DNAH12: variants seen among roughly 807,000 people sequenced by gnomAD.
DNAH12 encodes dynein axonemal heavy chain 12.
In DNAH12, 285 loss-of-function variants were observed where a neutral mutation model predicts 371.5. The ratio of observed to expected loss-of-function variants is 0.77; its 90% CI spans 0.70 to 0.85. The LOEUF (loss-of-function observed/expected upper bound fraction) is 0.85. Ranked by LOEUF, DNAH12 falls within the 40% of genes least tolerant of loss-of-function variation. The pLI, the probability that DNAH12 is intolerant of heterozygous loss-of-function variation, is 0.00. For missense variants in DNAH12, 3,611 were observed against 3,689.4 expected (o/e 0.98, Z 0.55); for synonymous variants, 1,200 against 1,213.0 (o/e 0.99, Z 0.22).
chr3:57,453,068 TA>T, intron 24 of DNAH12, 53 bp from the exon 25 acceptor site: 1 of 1,494,704 alleles, frequency 6.7e-7, no homozygotes, highest in South Asian at 1.3e-5. Flanking sequence ...GAAATAATTT[TA>T]AAAAGAAGTA....
chr3:57,302,558 TA>T (rs1559535416), intron 69 of DNAH12, among the ~76,000 whole-genome samples: 2 of 101,228 alleles, frequency 2.0e-5, no homozygotes, highest in African/African-American at 4.0e-5. Context: ...TATATATATA[TA>T]TATATGTATT....
intron 2 of DNAH12, among the ~76,000 whole-genome samples, chr3:57,526,124 C>CTA (rs1234894416): frequency 2.0e-5 from 3 of 152,118 alleles, no homozygotes. Flanking sequence ...TCCCCACTAC[C>CTA]ATTCACAGCC....
intron 60 of DNAH12, among the ~76,000 whole-genome samples, chr3:57,345,496 C>T (rs1575483304): frequency 1.3e-5 from 2 of 152,148 alleles, no homozygotes; most frequent in East Asian, 3.8e-4. Context: ...ATGAAGAGAT[C>T]ACTTTTTACT....
intron 28 of DNAH12, 126 bp from the exon 29 acceptor site, chr3:57,444,942 C>T: frequency 9.8e-7 from 1 of 1,017,482 alleles, no homozygotes; most frequent in South Asian, 1.7e-5. Context: ...GTTTATTTTA[C>T]ATTGCTCTCT....
chr3:57,443,849 T>C (rs1186448983), intron 29 of DNAH12, among the ~76,000 whole-genome samples: 1 of 152,154 alleles, frequency 6.6e-6, no homozygotes, highest in Non-Finnish European at 1.5e-5. Context: ...TATTACACAA[T>C]AGTGTAATAC....
At chr3:57,338,161 C>G (rs572172932) in intron 60 of DNAH12, among the ~76,000 whole-genome samples, 3 of 152,204 alleles carry the variant, frequency 2.0e-5, no homozygotes, top group South Asian at 2.1e-4. Context: ...TGCAGGCACG[C>G]GACGCCATGC....
intron 70 of DNAH12, among the ~76,000 whole-genome samples, chr3:57,299,206 G>A (rs1033900032): frequency 2.0e-5 from 3 of 152,174 alleles, no homozygotes; most frequent in African/African-American, 4.8e-5. Flanking sequence ...CCACTCGCCC[G>A]TGGCTTCCTT....
intron 22 of DNAH12, among the ~76,000 whole-genome samples, chr3:57,456,586 T>C (rs982642840): frequency 6.6e-6 from 1 of 152,204 alleles, no homozygotes; most frequent in African/African-American, 2.4e-5. Context: ...TTTTAAGTAG[T>C]TGTTTAAGTG....
intron 4 of DNAH12, among the ~76,000 whole-genome samples, chr3:57,513,156 G>A (rs2068060137): frequency 6.6e-6 from 1 of 151,664 alleles, no homozygotes. Context: ...AAAAAATGTG[G>A]TACATATACA....
upstream of DNAH12, among the ~76,000 whole-genome samples, chr3:57,545,238 G>A (rs183321760): frequency 1.3e-5 from 2 of 150,966 alleles, no homozygotes; most frequent in East Asian, 3.9e-4. Flanking sequence ...CCACCTCCCA[G>A]GTTCAAGTGA....
chr3:57,496,735 A>G (rs370231384), intron 11 of DNAH12, among the ~76,000 whole-genome samples: 61 of 152,252 alleles, frequency 4.0e-4, no homozygotes, highest in African/African-American at 1.3e-3. Flanking sequence ...TCGGGAGGCC[A>G]AGGTGGGCGG....
chr3:57,461,365 G>T, intron 19 of DNAH12, 124 bp downstream of exon 19: 3 of 764,904 alleles, frequency 3.9e-6, no homozygotes, highest in Non-Finnish European at 4.1e-6. Flanking sequence ...AAAGTTATAG[G>T]TCTATGATTT....
At chr3:57,407,925 G>C (rs1379308649) in intron 40 of DNAH12, among the ~76,000 whole-genome samples, 11 of 152,156 alleles carry the variant, frequency 7.2e-5, no homozygotes, top group African/African-American at 1.9e-4. Context: ...AAAACGACAA[G>C]TACCAGAGTA....
chr3:57,322,787 G>A (rs556939120), intron 64 of DNAH12, among the ~76,000 whole-genome samples: 5 of 152,168 alleles, frequency 3.3e-5, no homozygotes, highest in African/African-American at 7.2e-5. Flanking sequence ...AAAATTAGCC[G>A]AGCATGGTGG....
intron 42 of DNAH12, among the ~76,000 whole-genome samples, chr3:57,404,660 C>T (rs1329609410): frequency 1.3e-5 from 2 of 152,068 alleles, no homozygotes; most frequent in East Asian, 1.9e-4. Context: ...GTGGAGGTTG[C>T]AGCGAGCTGA....
chr3:57,356,901 C>T (rs36181312), intron 59 of DNAH12, among the ~76,000 whole-genome samples: 97,754 of 151,492 alleles, frequency 0.65, 32,319 homozygotes, highest in Non-Finnish European at 0.74. Context: ...CGCCACCACG[C>T]CTGGCTAATT....
In DNAH12 at chr3:57,334,489, AATT is replaced by A. The variant is rs1234491645; in HGVS notation, c.9951_9953del (p.Ile3318del). On this transcript the variant is annotated inframe_deletion, in exon 62 of 74. Coordinates refer to ENST00000495027, the MANE Select transcript of DNAH12 (RefSeq NM_001366028.2). ...CCTTATCAGGTCTTAAACACCGAAG[AATT>A]ATTATTTTCTGTAGTTCATTTAGGT... The A allele has an allele frequency of 6.5e-7, 1 of 1,549,498 alleles. No homozygotes were observed. The highest frequency in any genetic ancestry group is 1.4e-5 in the African/African-American group (1 of 72,956).
chr3:57,474,651 T>C (rs966301894), intron 13 of DNAH12, among the ~76,000 whole-genome samples: 3 of 151,856 alleles, frequency 2.0e-5, no homozygotes, highest in African/African-American at 7.2e-5. Context: ...CAATGGGTAT[T>C]AAATTAGTAT....
chr3:57,461,715 C>G, intron 18 of DNAH12, 26 bp from the exon 19 acceptor site: 1 of 1,529,952 alleles, frequency 6.5e-7, no homozygotes, highest in South Asian at 1.2e-5. Context: ...GAAGAAAGAA[C>G]GGGATGGTGA....
Sources: allele counts gnomAD v4.1 joint callset (sites outside exome capture counted in the v4.1 genomes callset), GRCh38; gene constraint gnomAD v4.1.1; transcripts MANE v1.5; gene names NCBI Gene and HGNC (gene_info 2026-07-23, HGNC 2026-07-21).